The following ASNS variants were observed in gnomAD, a reference collection of about 807,000 sequenced individuals.
ASNS encodes asparagine synthetase [glutamine-hydrolyzing].
A neutral mutation model predicts 62.6 loss-of-function variants in ASNS; 37 were observed. The observed-to-expected ratio is 0.59, with a 90% CI of 0.45 to 0.78. The LOEUF is 0.78. Among genes scored for constraint, ASNS ranks in the 30% least tolerant of loss-of-function variants. The pLI is 0.00. For missense variants in ASNS, 520 were observed against 682.4 expected (o/e 0.76, Z 2.65); for synonymous variants, 207 against 237.9 (o/e 0.87, Z 1.19).
chr7:97,878,274 C>T, the ASNS span, among the ~76,000 whole-genome samples: 1 of 152,124 alleles, frequency 6.6e-6, no homozygotes, highest in Admixed American at 6.5e-5. Context: ...TCTAACAACC[C>T]AGCTCCCCAA....
At chr7:97,882,625 T>TTAAATAAATAAATAAA in the ASNS span, among the ~76,000 whole-genome samples, 748 of 141,716 alleles carry the variant, frequency 5.3e-3, 6 homozygotes, top group Non-Finnish European at 7.8e-3. Flanking sequence ...CAGAGAGAGA[T>TTAAATAAATAAATAAA]TAAATAAATA....
the ASNS span, among the ~76,000 whole-genome samples, chr7:97,925,030 G>T: frequency 1.3e-5 from 2 of 151,992 alleles, no homozygotes; most frequent in Non-Finnish European, 2.9e-5. Flanking sequence ...CCAGCTACTC[G>T]GGAGGCTGAG....
chr7:97,896,741 C>CAAATATATATATATATATATATAT, the ASNS span, among the ~76,000 whole-genome samples: 1 of 19,780 alleles, frequency 5.1e-5, no homozygotes, highest in South Asian at 1.9e-3. Flanking sequence ...CACACACACA[C>CAAATATATATATATATATATATAT]ATATATATAT....
chr7:97,910,008 G>A, the ASNS span, among the ~76,000 whole-genome samples: 69 of 152,222 alleles, frequency 4.5e-4, no homozygotes, highest in Middle Eastern at 3.4e-3. Flanking sequence ...CAGACATCAA[G>A]GAGTTTACAA....
chr7:97,928,045 C>G, the ASNS span: 1 of 1,265,538 alleles, frequency 7.9e-7, no homozygotes, highest in Non-Finnish European at 1.1e-6. Context: ...CCCCCGCGCT[C>G]CCGGCACCCC....
chr7:97,892,228 C>T, the ASNS span, among the ~76,000 whole-genome samples: 71 of 152,320 alleles, frequency 4.7e-4, no homozygotes, highest in African/African-American at 1.5e-3. Flanking sequence ...TTAGCTGCAG[C>T]TGGAGTGGCT....
the ASNS span, among the ~76,000 whole-genome samples, chr7:97,897,053 C>G: frequency 6.6e-6 from 1 of 151,822 alleles, no homozygotes; most frequent in Non-Finnish European, 1.5e-5. Context: ...AATGTAACAG[C>G]CACAACTATA....
chr7:97,911,390 G>A, the ASNS span, among the ~76,000 whole-genome samples: 28 of 151,890 alleles, frequency 1.8e-4, no homozygotes, highest in Non-Finnish European at 3.2e-4. Flanking sequence ...TGTAATCTCA[G>A]CACTTTGGGA....
intron 3 of ASNS, among the ~76,000 whole-genome samples, chr7:97,865,722 ACAC>A (rs1191999611): frequency 6.6e-6 from 1 of 152,206 alleles, no homozygotes; most frequent in Non-Finnish European, 1.5e-5. Context: ...CAGTATCTTA[ACAC>A]CACAGAGCAG....
upstream of ASNS, among the ~76,000 whole-genome samples, chr7:97,873,607 GTCT>G (rs1792372774): frequency 6.6e-6 from 1 of 152,160 alleles, no homozygotes; most frequent in South Asian, 2.1e-4. Context: ...GGGAAAGTAG[GTCT>G]TCTATCTACA....
At chr7:97,912,216 A>G in the ASNS span, among the ~76,000 whole-genome samples, 1 of 152,188 alleles carries the variant, frequency 6.6e-6, no homozygotes, top group African/African-American at 2.4e-5. Flanking sequence ...CTGTCTCTAG[A>G]GATATTTCCA....
the ASNS span, among the ~76,000 whole-genome samples, chr7:97,897,905 T>C: frequency 6.6e-6 from 1 of 152,174 alleles, no homozygotes; most frequent in African/African-American, 2.4e-5. Context: ...ATACACACAA[T>C]AGAATAGTAT....
the ASNS span, among the ~76,000 whole-genome samples, chr7:97,921,844 T>C: frequency 6.6e-6 from 1 of 152,156 alleles, no homozygotes; most frequent in African/African-American, 2.4e-5. Flanking sequence ...CCGGAGCATC[T>C]AGACTTAGAG....
intron 8 of ASNS, among the ~76,000 whole-genome samples, chr7:97,856,410 T>A (rs1409169160): frequency 2.0e-5 from 3 of 152,088 alleles, no homozygotes; most frequent in African/African-American, 7.2e-5. Flanking sequence ...ATAAGAGAAA[T>A]GGGAGGTAGA....
chr7:97,882,986 G>C, the ASNS span, among the ~76,000 whole-genome samples: 1 of 152,160 alleles, frequency 6.6e-6, no homozygotes, highest in African/African-American at 2.4e-5. Flanking sequence ...GAAATGCCAA[G>C]TGTGCTTTTT....
At chr7:97,890,189 C>CATGACAT in the ASNS span, among the ~76,000 whole-genome samples, 4 of 152,050 alleles carry the variant, frequency 2.6e-5, no homozygotes, top group Admixed American at 2.6e-4. Context: ...AGCAAGGCTA[C>CATGACAT]ATGACATATG....
At chr7:97,878,407 C>T in the ASNS span, among the ~76,000 whole-genome samples, 3 of 152,130 alleles carry the variant, frequency 2.0e-5, no homozygotes, top group East Asian at 5.8e-4. Context: ...GGGCTGCATT[C>T]AGCAAACCCC....
chr7:97,884,606 G>A, the ASNS span, among the ~76,000 whole-genome samples: 9 of 152,192 alleles, frequency 5.9e-5, no homozygotes, highest in Admixed American at 6.5e-5. Flanking sequence ...ACTTCACTAC[G>A]CTGTTTCTCA....
chr7:97,868,600 CTTG>C (rs1409487286), intron 3 of ASNS, among the ~76,000 whole-genome samples: 2 of 151,316 alleles, frequency 1.3e-5, no homozygotes, highest in African/African-American at 2.4e-5. Flanking sequence ...AATCTAGGTG[CTTG>C]TTGTTCTGTT....
Sources: gnomAD v4.1 joint callset for allele counts (sites outside exome capture counted in the v4.1 genomes callset) on GRCh38, gnomAD v4.1.1 for gene constraint, MANE v1.5 for transcripts, NCBI Gene and HGNC (gene_info 2026-07-23, HGNC 2026-07-21) for gene names.